Variants in IPO5 observed in about 807,000 individuals in gnomAD.
The protein encoded by IPO5 is importin 5.
A neutral mutation model predicts 143.3 loss-of-function variants in IPO5; 18 were observed. The ratio of observed to expected loss-of-function variants is 0.13; its 90% confidence interval spans 0.09 to 0.19. The LOEUF is 0.19. Among genes scored for constraint, IPO5 ranks in the 10% least tolerant of loss-of-function variants. The pLI is 1.00. For missense variants in IPO5, 1,013 were observed against 1,336.9 expected, an observed-to-expected ratio of 0.76 and a Z score of 3.78; for synonymous variants, 477 against 465.7, an observed-to-expected ratio of 1.02 and a Z score of -0.31.
At chr13:97,964,064 T>C (rs1447292086) in intron 2 of IPO5, among the ~76,000 whole-genome samples, 2 of 152,176 alleles carry the variant, frequency 1.3e-5, no homozygotes, top group Admixed American at 1.3e-4. Flanking sequence ...TGTAAATTTG[T>C]TTAAGTTATT....
intron 20 of IPO5, among the ~76,000 whole-genome samples, chr13:98,011,221 GAATT>G (rs1889683873): frequency 1.3e-5 from 2 of 152,022 alleles, no homozygotes; most frequent in South Asian, 4.2e-4. Context: ...TCTTTAAACA[GAATT>G]AATCTTTAGA....
intron 25 of IPO5, 112 bp from the exon 26 acceptor site, chr13:98,018,373 T>C (rs1302765493): frequency 1.3e-6 from 1 of 762,162 alleles, no homozygotes. Flanking sequence ...TTTTCTTTTT[T>C]CTTTTGCCTG....
intron 5 of IPO5, among the ~76,000 whole-genome samples, chr13:97,984,597 T>A (rs1364712073): frequency 3.9e-5 from 6 of 152,152 alleles, no homozygotes; most frequent in African/African-American, 1.4e-4. Flanking sequence ...CTACCATAAA[T>A]GTTTCAGTAA....
intron 2 of IPO5, among the ~76,000 whole-genome samples, chr13:97,955,010 T>G (rs571150466): frequency 1.3e-5 from 2 of 152,204 alleles, no homozygotes; most frequent in East Asian, 3.9e-4. Context: ...GGAGGATCAC[T>G]TGGGCCTAGG....
intron 6 of IPO5, among the ~76,000 whole-genome samples, chr13:97,986,574 T>G (rs1305412550): frequency 1.3e-5 from 2 of 152,134 alleles, no homozygotes; most frequent in African/African-American, 2.4e-5. Flanking sequence ...GGTCTGGAAC[T>G]CCTGGCCTCA....
chr13:97,971,495 TCTTA>T (rs1340617304), intron 3 of IPO5, among the ~76,000 whole-genome samples: 13 of 152,368 alleles, frequency 8.5e-5, no homozygotes, highest in African/African-American at 2.9e-4. Flanking sequence ...GAGTCAGAAA[TCTTA>T]CTTATCAGCC....
chr13:97,988,792 A>G (rs1887583473), intron 6 of IPO5, among the ~76,000 whole-genome samples: 1 of 152,168 alleles, frequency 6.6e-6, no homozygotes, highest in Admixed American at 6.5e-5. Flanking sequence ...CATCTAAAAA[A>G]AAGAAGAACC....
intron 9 of IPO5, 46 bp from the exon 10 acceptor site, chr13:97,992,846 T>C: frequency 1.3e-6 from 2 of 1,570,680 alleles, no homozygotes; most frequent in Non-Finnish European, 1.7e-6. Flanking sequence ...AATGAGGCAT[T>C]ATAAAGTGAA....
chr13:98,008,663 C>T (rs898994248), intron 18 of IPO5, among the ~76,000 whole-genome samples: 1 of 152,134 alleles, frequency 6.6e-6, no homozygotes, highest in Non-Finnish European at 1.5e-5. Context: ...TCGACACACA[C>T]GCACATACAC....
At chr13:97,965,707 T>G (rs747447825) in intron 2 of IPO5, among the ~76,000 whole-genome samples, 4 of 152,148 alleles carry the variant, frequency 2.6e-5, no homozygotes, top group Non-Finnish European at 5.9e-5. Context: ...TATATATTGA[T>G]CTTGTCTCCT....
intron 9 of IPO5, among the ~76,000 whole-genome samples, chr13:97,991,943 A>G (rs1378102609): frequency 1.3e-5 from 2 of 152,206 alleles, no homozygotes; most frequent in African/African-American, 2.4e-5. Flanking sequence ...CCCATCCTCA[A>G]TCGTGTGACC....
chr13:97,968,987 C>A (rs919714011), intron 2 of IPO5, among the ~76,000 whole-genome samples: 9 of 151,830 alleles, frequency 5.9e-5, no homozygotes, highest in Admixed American at 1.3e-4. Context: ...CTACGCCTAG[C>A]TAAAGTTTGT....
At chr13:97,965,453 A>G (rs1288592780) in intron 2 of IPO5, among the ~76,000 whole-genome samples, 2 of 152,208 alleles carry the variant, frequency 1.3e-5, no homozygotes, top group African/African-American at 4.8e-5. Context: ...AGGTATCACC[A>G]TCTTAATAAT....
intron 2 of IPO5, among the ~76,000 whole-genome samples, chr13:97,965,984 A>C (rs568166117): frequency 7.9e-5 from 12 of 152,090 alleles, no homozygotes; most frequent in African/African-American, 2.9e-4. Context: ...TCTACTAAAA[A>C]TACAAAAATT....
intron 12 of IPO5, among the ~76,000 whole-genome samples, chr13:98,000,241 T>C (rs1888649751): frequency 6.6e-6 from 1 of 151,608 alleles, no homozygotes; most frequent in Non-Finnish European, 1.5e-5. Flanking sequence ...GCCGAGATCG[T>C]GCCACTGCGC....
chr13:97,987,982 C>A, intron 6 of IPO5: 1 of 304,496 alleles, frequency 3.3e-6, no homozygotes, highest in South Asian at 2.7e-5. Flanking sequence ...TTTTATTTCC[C>A]CTCAAAGCAT....
intron 4 of IPO5, among the ~76,000 whole-genome samples, chr13:97,978,177 C>G (rs569451357): frequency 1.3e-5 from 2 of 152,244 alleles, no homozygotes; most frequent in African/African-American, 2.4e-5. Context: ...TTTCTTATCC[C>G]GTTTCCCAAA....
intron 11 of IPO5, among the ~76,000 whole-genome samples, chr13:97,995,157 T>G (rs77736327): frequency 0.018 from 2,756 of 150,180 alleles, 44 homozygotes; most frequent in Middle Eastern, 0.059. Flanking sequence ...TGGGATATCT[T>G]TCTTTCATTC....
Position 98,002,021 on chromosome 13 carries a change from G to GT in IPO5, c.1109-436dup, listed in dbSNP as rs111261202. 5.1e-3 allele frequency: 747 copies of GT among 147,872 alleles called. 26 individuals carry two copies. The East Asian group carries it at 0.085, about 17-fold the overall frequency. 9.2% of individuals were successfully genotyped at this position (147,872 alleles called of 1,614,324 possible). On this transcript the variant is annotated intron_variant, in intron 13 of 28. Transcript: ENST00000651721. ...TTGTTTTTTTTGTTTGTTTGTTTCT[G>GT]TTTTTTTTTTGAGACAGAGTCTCGC...
Sources: gnomAD v4.1 joint callset for allele counts (sites outside exome capture counted in the v4.1 genomes callset) on GRCh38, gnomAD v4.1.1 for gene constraint, MANE v1.5 for transcripts, NCBI Gene and HGNC (gene_info 2026-07-23, HGNC 2026-07-21) for gene names.